The following SPOCK1 variants were observed in gnomAD, a reference collection of about 807,000 sequenced individuals.
SPOCK1 encodes the protein SPARC (osteonectin), cwcv and kazal like domains proteoglycan 1.
In SPOCK1, 23 loss-of-function variants were observed where a neutral mutation model predicts 55.3. The ratio of observed to expected loss-of-function variants is 0.42; its 90% CI spans 0.30 to 0.59. The LOEUF (loss-of-function observed/expected upper bound fraction) is 0.59, where lower values mean the gene tolerates loss of function less well. SPOCK1 is among the 20% of genes least tolerant of loss of function. The pLI is 0.22. For synonymous variants in SPOCK1, 226 were observed against 221.0 expected (o/e 1.02, Z -0.20); for missense variants, 499 against 552.5 (o/e 0.90, Z 0.97).
intron 3 of SPOCK1, among the ~76,000 whole-genome samples, chr5:137,211,881 C>A (rs1755625178): frequency 6.6e-6 from 1 of 152,182 alleles, no homozygotes; most frequent in Non-Finnish European, 1.5e-5. Flanking sequence ...CCCCCTGCCA[C>A]ACACCTTGTC....
At chr5:137,455,356 C>T (rs1252062762) in intron 2 of SPOCK1, among the ~76,000 whole-genome samples, 8 of 152,262 alleles carry the variant, frequency 5.3e-5, no homozygotes, top group South Asian at 2.1e-4. Context: ...TCTTTACAGA[C>T]GGTTTTGTTT....
intron 2 of SPOCK1, among the ~76,000 whole-genome samples, chr5:137,313,994 G>A (rs779965632): frequency 3.5e-4 from 52 of 149,882 alleles, no homozygotes; most frequent in Non-Finnish European, 1.0e-4. Context: ...CCCACCTGCA[G>A]ACATCCAAGC....
chr5:137,230,921 A>G (rs1220071596), intron 3 of SPOCK1, among the ~76,000 whole-genome samples: 2 of 130,878 alleles, frequency 1.5e-5, no homozygotes, highest in African/African-American at 3.1e-5. Context: ...TATTTGCACT[A>G]TTTGTGTATG....
chr5:137,260,404 A>G (rs567994542), intron 3 of SPOCK1, among the ~76,000 whole-genome samples: 69 of 152,366 alleles, frequency 4.5e-4, no homozygotes, highest in Middle Eastern at 3.4e-3. Flanking sequence ...AAGTTACCTC[A>G]AAAGCAATGT....
At chr5:137,278,326 GT>G (rs1379744259) in intron 2 of SPOCK1, among the ~76,000 whole-genome samples, 7 of 152,178 alleles carry the variant, frequency 4.6e-5, no homozygotes, top group African/African-American at 1.4e-4. Context: ...AGCCTGTGCT[GT>G]CTTGATCTGA....
At chr5:137,011,767 T>C (rs1751353554) in intron 6 of SPOCK1, among the ~76,000 whole-genome samples, 1 of 152,134 alleles carries the variant, frequency 6.6e-6, no homozygotes, top group South Asian at 2.1e-4. Flanking sequence ...TGGGTGTAAG[T>C]AGTTTCCAAT....
intron 2 of SPOCK1, among the ~76,000 whole-genome samples, chr5:137,462,566 T>C (rs10463541): frequency 1 from 151,769 of 152,310 alleles, 75,616 homozygotes; most frequent in Middle Eastern, 1. Flanking sequence ...GGGCAAGTTA[T>C]CTTGCCTGTG....
chr5:137,092,768 C>T (rs187636307), intron 5 of SPOCK1, among the ~76,000 whole-genome samples: 1 of 152,348 alleles, frequency 6.6e-6, no homozygotes, highest in African/African-American at 2.4e-5. Context: ...CTCACACTTG[C>T]ACACATCAGT....
intron 2 of SPOCK1, among the ~76,000 whole-genome samples, chr5:137,352,201 C>T (rs552832756): frequency 3.3e-5 from 5 of 152,168 alleles, no homozygotes; most frequent in Non-Finnish European, 7.3e-5. Flanking sequence ...TACTGCAGGC[C>T]GCCAACCAGC....
At chr5:137,361,242 T>C (rs1378437050) in intron 2 of SPOCK1, among the ~76,000 whole-genome samples, 3 of 152,222 alleles carry the variant, frequency 2.0e-5, no homozygotes, top group Non-Finnish European at 1.5e-5. Flanking sequence ...TAAGTGTCTT[T>C]TGTTTAAGCC....
At chr5:137,410,432 G>C (rs1297950524) in intron 2 of SPOCK1, among the ~76,000 whole-genome samples, 1 of 152,208 alleles carries the variant, frequency 6.6e-6, no homozygotes, top group Non-Finnish European at 1.5e-5. Context: ...GCCTTTTTAA[G>C]ATGTTATGAG....
intron 3 of SPOCK1, among the ~76,000 whole-genome samples, chr5:137,231,393 CCTT>C (rs1461727850): frequency 6.6e-6 from 1 of 152,170 alleles, no homozygotes; most frequent in African/African-American, 2.4e-5. Flanking sequence ...GACCCTGCCC[CCTT>C]GTTCCCCTAC....
intron 3 of SPOCK1, among the ~76,000 whole-genome samples, chr5:137,226,794 T>C (rs1198874246): frequency 1.3e-5 from 2 of 152,222 alleles, no homozygotes; most frequent in Admixed American, 1.3e-4. Flanking sequence ...AGTTTAAGTA[T>C]AACTACCGTG....
chr5:137,134,561 C>T (rs925817779), intron 4 of SPOCK1, among the ~76,000 whole-genome samples: 6 of 152,208 alleles, frequency 3.9e-5, no homozygotes, highest in Admixed American at 2.0e-4. Context: ...GCATAAGCTA[C>T]ATAAATATAA....
chr5:137,141,775 A>C (rs1029181666), intron 3 of SPOCK1, among the ~76,000 whole-genome samples: 42 of 152,200 alleles, frequency 2.8e-4, no homozygotes, highest in African/African-American at 9.6e-4. Context: ...ATGTTCAGGC[A>C]ATCATAAGAT....
chr5:137,306,076 C>T (rs61705354), intron 2 of SPOCK1, among the ~76,000 whole-genome samples: 1 of 152,102 alleles, frequency 6.6e-6, no homozygotes, highest in Non-Finnish European at 1.5e-5. Context: ...CTGCTAGTCA[C>T]CATGGCGTGG....
intron 2 of SPOCK1, among the ~76,000 whole-genome samples, chr5:137,328,240 G>A (rs1431424765): frequency 1.3e-5 from 2 of 152,232 alleles, no homozygotes; most frequent in Admixed American, 6.5e-5. Context: ...CCCTGGGTCA[G>A]GGGCCTCAAG....
intron 9 of SPOCK1, 23 bp downstream of exon 9, chr5:136,985,117 G>A: frequency 5.0e-6 from 8 of 1,611,716 alleles, no homozygotes; most frequent in East Asian, 2.2e-5. Flanking sequence ...TTGTTTAAAT[G>A]AGTGGCAAGA....
intron 5 of SPOCK1, among the ~76,000 whole-genome samples, chr5:137,087,302 A>G (rs954608718): frequency 2.6e-5 from 4 of 152,200 alleles, no homozygotes; most frequent in Non-Finnish European, 5.9e-5. Flanking sequence ...AGGTCTGGGC[A>G]TGGGCTCAGC....
Sources: allele counts gnomAD v4.1 joint callset (sites outside exome capture counted in the v4.1 genomes callset), GRCh38; gene constraint gnomAD v4.1.1; transcripts MANE v1.5; gene names NCBI Gene and HGNC (gene_info 2026-07-23, HGNC 2026-07-21).